Variants in XKR9 observed in about 807,000 individuals in gnomAD.
XKR9 encodes the protein XK-related protein 9.
Under a neutral mutation model 32.0 loss-of-function variants are expected in XKR9, and 32 were observed. The ratio of observed to expected loss-of-function variants is 1.00; its 90% CI spans 0.76 to 1.34. The LOEUF (loss-of-function observed/expected upper bound fraction) is 1.34. Among genes scored for constraint, XKR9 ranks in the 40% most tolerant of loss-of-function variants. XKR9 has a pLI of 0.00. For synonymous variants in XKR9, 168 were observed against 143.4 expected, an observed-to-expected ratio of 1.17 and a Z score of -1.22; for missense variants, 546 against 429.7, an observed-to-expected ratio of 1.27 and a Z score of -2.39.
chr8:70,813,508 T>C, the XKR9 span, among the ~76,000 whole-genome samples: 3 of 152,084 alleles, frequency 2.0e-5, no homozygotes, highest in Non-Finnish European at 2.9e-5. Context: ...ACAGGCAACC[T>C]ACAAAATGGG....
the XKR9 span, among the ~76,000 whole-genome samples, chr8:70,989,126 A>G: frequency 5.9e-5 from 9 of 152,226 alleles, no homozygotes; most frequent in Non-Finnish European, 1.2e-4. Flanking sequence ...ATGGATGAAC[A>G]TATAATTGAT....
the XKR9 span, among the ~76,000 whole-genome samples, chr8:70,859,707 G>T: frequency 2.6e-5 from 4 of 152,114 alleles, no homozygotes; most frequent in African/African-American, 9.7e-5. Context: ...TGAACTGGAG[G>T]TCATTATAAT....
At chr8:71,049,654 G>T in the XKR9 span, among the ~76,000 whole-genome samples, 2 of 152,184 alleles carry the variant, frequency 1.3e-5, no homozygotes, top group Non-Finnish European at 2.9e-5. Flanking sequence ...GAAGTCAGAA[G>T]GAGGCTCTGC....
intron 2 of XKR9, among the ~76,000 whole-genome samples, chr8:70,752,428 T>A (rs1405228752): frequency 6.6e-6 from 1 of 152,128 alleles, no homozygotes. Context: ...CATCATAACA[T>A]GGCAGATAAG....
chr8:71,062,530 G>A, the XKR9 span, among the ~76,000 whole-genome samples: 5 of 152,112 alleles, frequency 3.3e-5, no homozygotes, highest in East Asian at 1.9e-4. Context: ...CAAATCTGGC[G>A]GGAGCAGGGA....
At chr8:70,802,867 C>T in the XKR9 span, among the ~76,000 whole-genome samples, 1 of 152,218 alleles carries the variant, frequency 6.6e-6, no homozygotes, top group African/African-American at 2.4e-5. Context: ...GCCCCTTCTT[C>T]CTAGTTGCCT....
At chr8:70,685,656 T>G (rs1180833399) in intron 3 of XKR9, among the ~76,000 whole-genome samples, 1 of 145,852 alleles carries the variant, frequency 6.9e-6, no homozygotes, top group Non-Finnish European at 1.5e-5. Flanking sequence ...ACACCGCATG[T>G]TCTCACTCAT....
intron 3 of XKR9, among the ~76,000 whole-genome samples, chr8:70,704,433 T>C (rs1805649248): frequency 6.6e-6 from 1 of 152,162 alleles, no homozygotes; most frequent in South Asian, 2.1e-4. Flanking sequence ...ACACTTAACA[T>C]GTGCCAGGTC....
intron 3 of XKR9, among the ~76,000 whole-genome samples, chr8:70,703,611 G>T (rs1030424884): frequency 6.6e-6 from 1 of 151,988 alleles, no homozygotes; most frequent in South Asian, 2.1e-4. Context: ...TGAATTTTGA[G>T]GTAACCCAGA....
intron 4 of XKR9, among the ~76,000 whole-genome samples, chr8:70,719,429 TGGTTTTA>T (rs1448652703): frequency 1.3e-5 from 2 of 152,226 alleles, no homozygotes; most frequent in South Asian, 2.1e-4. Flanking sequence ...AGGGTTTTTA[TGGTTTTA>T]GGTTTTAGGT....
intron 1 of XKR9, among the ~76,000 whole-genome samples, chr8:70,672,382 A>G (rs1183713641): frequency 2.6e-5 from 4 of 151,374 alleles, no homozygotes; most frequent in East Asian, 1.9e-4. Context: ...ATATAGATCA[A>G]TGGAACAGAA....
intron 2 of XKR9, among the ~76,000 whole-genome samples, chr8:70,775,747 A>ATTT (rs35457458): frequency 1.3e-4 from 19 of 144,830 alleles, no homozygotes; most frequent in African/African-American, 4.1e-4. Flanking sequence ...AATATTGGTC[A>ATTT]TTTTTTTTTT....
At chr8:70,824,081 G>A in the XKR9 span, among the ~76,000 whole-genome samples, 1 of 152,092 alleles carries the variant, frequency 6.6e-6, no homozygotes, top group Non-Finnish European at 1.5e-5. Flanking sequence ...GTACTTTCTG[G>A]AGTGGACTGG....
chr8:70,809,819 G>T, the XKR9 span, among the ~76,000 whole-genome samples: 3 of 152,216 alleles, frequency 2.0e-5, no homozygotes, highest in Admixed American at 2.0e-4. Flanking sequence ...TCTGATTGGT[G>T]TATCTTAAAG....
chr8:70,733,028 A>G (rs2132242195), intron 4 of XKR9, among the ~76,000 whole-genome samples: 1 of 152,288 alleles, frequency 6.6e-6, no homozygotes, highest in East Asian at 1.9e-4. Flanking sequence ...GAGGCAGGTG[A>G]ATTGGTTGAA....
chr8:70,748,562 G>T (rs1807090648), intron 2 of XKR9, among the ~76,000 whole-genome samples: 1 of 152,236 alleles, frequency 6.6e-6, no homozygotes, highest in Non-Finnish European at 1.5e-5. Flanking sequence ...GGCTGGTGGG[G>T]GCTGAGGGTG....
At chr8:71,018,296 T>C in the XKR9 span, among the ~76,000 whole-genome samples, 2 of 151,940 alleles carry the variant, frequency 1.3e-5, no homozygotes, top group African/African-American at 4.8e-5. Context: ...CTAAGAAAGG[T>C]AAAGGACTAG....
the XKR9 span, among the ~76,000 whole-genome samples, chr8:70,810,886 C>G: frequency 1.3e-5 from 2 of 152,140 alleles, no homozygotes; most frequent in Non-Finnish European, 2.9e-5. Context: ...ATCAACGAGA[C>G]AGAAAGTTAA....
chr8:70,822,471 C>A, the XKR9 span, among the ~76,000 whole-genome samples: 1 of 151,526 alleles, frequency 6.6e-6, no homozygotes, highest in Non-Finnish European at 1.5e-5. Context: ...GTATCTGAAT[C>A]TGCTAATTTC....
Sources: gnomAD v4.1 joint callset for allele counts (sites outside exome capture counted in the v4.1 genomes callset) on GRCh38, gnomAD v4.1.1 for gene constraint, MANE v1.5 for transcripts, NCBI Gene and HGNC (gene_info 2026-07-23, HGNC 2026-07-21) for gene names.